The following MAGI2 variants were observed in gnomAD, a reference collection of about 807,000 sequenced individuals.
MAGI2 encodes the protein membrane associated guanylate kinase, WW and PDZ domain containing 2.
Under a neutral mutation model 133.3 loss-of-function variants are expected in MAGI2, and 35 were observed. The ratio of observed to expected loss-of-function variants is 0.26; its 90% CI spans 0.20 to 0.35. MAGI2 has a LOEUF of 0.35. Among genes scored for constraint, MAGI2 ranks in the 10% least tolerant of loss-of-function variants. The probability of loss-of-function intolerance (pLI) is 1.00; values close to 1 mark genes in which losing one functional copy is unlikely to be tolerated. For synonymous variants in MAGI2, 729 were observed against 710.6 expected (o/e 1.03, Z -0.41); for missense variants, 1,636 against 1,863.4 (o/e 0.88, Z 2.25).
At chr7:78,246,507 C>A (rs1055221485) in intron 10 of MAGI2, among the ~76,000 whole-genome samples, 4 of 152,088 alleles carry the variant, frequency 2.6e-5, no homozygotes, top group African/African-American at 4.8e-5. Context: ...CAACTAGTAC[C>A]CTCCTTCCCT....
Position 79,314,086 on chromosome 7 carries a change from G to GAA in MAGI2, c.301+138933_301+138934insTT, listed in dbSNP as rs1173248534. On this transcript the variant is annotated intron_variant, in intron 1 of 21. Coordinates refer to ENST00000354212, the MANE Select transcript of MAGI2 (RefSeq NM_012301.4). The stretch of plus-strand genomic sequence containing the variant: ...CCTCCTAGGTTCAAGTGATTCTCCT[G>GAA]CCTCAGCCTCCAGAGTAGTTGGGAT... 1.9e-4 allele frequency among the ~76,000 whole-genome samples: 29 copies of GAA among 152,272 alleles called. No homozygotes were observed. In the East Asian group the frequency reaches 5.0e-3, roughly 26 times the overall value.
At chr7:79,419,445 A>C (rs10224707) in intron 1 of MAGI2, among the ~76,000 whole-genome samples, 37,317 of 151,884 alleles carry the variant, frequency 0.25, 6,628 homozygotes, top group African/African-American at 0.5. Flanking sequence ...GGGAATGGAG[A>C]GAGGACATAT....
At chr7:79,140,824 T>C (rs1238730108) in intron 1 of MAGI2, among the ~76,000 whole-genome samples, 1 of 152,266 alleles carries the variant, frequency 6.6e-6, no homozygotes. Flanking sequence ...GTAATCACAA[T>C]GTAAAAAATT....
chr7:78,471,987 C>T (rs1163795606), intron 6 of MAGI2, among the ~76,000 whole-genome samples: 2 of 151,864 alleles, frequency 1.3e-5, no homozygotes, highest in Non-Finnish European at 2.9e-5. Context: ...GGCAAGTTCA[C>T]ACAGCCAGTA....
chr7:78,645,640 G>GGTGTGTGTGTGTGT (rs59287974), intron 2 of MAGI2, among the ~76,000 whole-genome samples: 1 of 147,348 alleles, frequency 6.8e-6, no homozygotes, highest in African/African-American at 2.5e-5. Flanking sequence ...ATATAAGTGT[G>GGTGTGTGTGTGTGT]GTGTGTGTGT....
At chr7:78,535,921 CA>C (rs1797857818) in intron 3 of MAGI2, among the ~76,000 whole-genome samples, 1 of 148,526 alleles carries the variant, frequency 6.7e-6, no homozygotes, top group East Asian at 2.0e-4. Flanking sequence ...TGACTCAGCA[CA>C]AGAGGACAGC....
At chr7:78,999,270 A>T (rs1216078025) in intron 2 of MAGI2, among the ~76,000 whole-genome samples, 1 of 152,142 alleles carries the variant, frequency 6.6e-6, no homozygotes, top group Non-Finnish European at 1.5e-5. Flanking sequence ...GGTTGCGAAG[A>T]TCAGTAAGAT....
In MAGI2 at chr7:78,887,269, C is replaced by G. The variant is rs965406914; in HGVS notation, c.418+119821G>C. Among the ~76,000 whole-genome samples the G allele has an allele frequency of 5.9e-5, 9 of 152,204 alleles. No homozygotes were observed. The East Asian group carries it at 1.5e-3, about 26-fold the overall frequency. On this transcript the variant is annotated intron_variant, in intron 2 of 21. Coordinates refer to ENST00000354212, the MANE Select transcript of MAGI2 (RefSeq NM_012301.4). ...CTCTGCTTAGCAAAGTAAATGCCAG[C>G]TAGTCATTATCATTAACATTCTTTA...
chr7:79,254,696 C>A (rs886329766), intron 1 of MAGI2, among the ~76,000 whole-genome samples: 1 of 152,160 alleles, frequency 6.6e-6, no homozygotes, highest in African/African-American at 2.4e-5. Flanking sequence ...TTCCATGAAT[C>A]TTCTACTTTT....
rs1047169817 is a variant in MAGI2 at position 78,697,416 on chromosome 7, G to A, written c.419-70177C>T. 5.3e-5 allele frequency among the ~76,000 whole-genome samples: 8 copies of A among 152,192 alleles called. No homozygotes were observed. In the East Asian group the frequency reaches 5.8e-4, roughly 11 times the overall value. The stretch of plus-strand genomic sequence containing the variant: ...TTTAAACTTTTGAGACTGAGTGCAC[G>A]GACTTAAATTCTAGCTATGCCACTT... On this transcript the variant is annotated intron_variant, in intron 2 of 21. Coordinates refer to ENST00000354212, the MANE Select transcript of MAGI2 (RefSeq NM_012301.4).
intron 2 of MAGI2, among the ~76,000 whole-genome samples, chr7:78,664,096 T>C (rs1813275815): frequency 6.6e-6 from 1 of 152,164 alleles, no homozygotes; most frequent in Non-Finnish European, 1.5e-5. Flanking sequence ...TACCAGAGAG[T>C]GTCTATTTAG....
chr7:79,229,885 G>C (rs11980034), intron 1 of MAGI2, among the ~76,000 whole-genome samples: 88,807 of 147,576 alleles, frequency 0.6, 28,137 homozygotes, highest in Non-Finnish European at 0.69. Flanking sequence ...TGCTGGTGCA[G>C]TGCACCCACT....
At chr7:79,424,762 A>T (rs956669478) in intron 1 of MAGI2, among the ~76,000 whole-genome samples, 3 of 152,216 alleles carry the variant, frequency 2.0e-5, no homozygotes, top group Non-Finnish European at 4.4e-5. Flanking sequence ...TTCACTCAGA[A>T]GGGAATTTTA....
chr7:78,474,193 C>T (rs370111216), intron 6 of MAGI2, among the ~76,000 whole-genome samples: 6 of 151,848 alleles, frequency 4.0e-5, no homozygotes, highest in South Asian at 2.1e-4. Context: ...AAAATTATCA[C>T]GTATATCTCT....
At chr7:79,112,537 C>T (rs955156553) in intron 1 of MAGI2, among the ~76,000 whole-genome samples, 4 of 152,178 alleles carry the variant, frequency 2.6e-5, no homozygotes, top group Non-Finnish European at 2.9e-5. Context: ...CTAGGATAGT[C>T]TGCTAAGTGC....
chr7:79,136,024 A>AGAAAGAAAGAAAGAAAGAAG (rs1554375928), intron 1 of MAGI2, among the ~76,000 whole-genome samples: 9 of 126,916 alleles, frequency 7.1e-5, no homozygotes, highest in African/African-American at 2.6e-4. Flanking sequence ...AAAGAAAGAA[A>AGAAAGAAAGAAAGAAAGAAG]GAAGGAAAGA....
chr7:78,571,219 A>G (rs1213083844), intron 3 of MAGI2, among the ~76,000 whole-genome samples: 1 of 152,208 alleles, frequency 6.6e-6, no homozygotes, highest in Non-Finnish European at 1.5e-5. Flanking sequence ...ATAGCATTAC[A>G]TTTGAGAAAG....
intron 2 of MAGI2, among the ~76,000 whole-genome samples, chr7:78,802,276 A>T (rs1410184171): frequency 2.6e-5 from 4 of 151,970 alleles, no homozygotes; most frequent in Non-Finnish European, 5.9e-5. Flanking sequence ...ATAACTGTAC[A>T]TTCATGAGTG....
At chr7:78,615,697 C>G (rs2150924180) in intron 3 of MAGI2, 2 of 152,326 alleles carry the variant, frequency 1.3e-5, no homozygotes, top group Middle Eastern at 3.4e-3. Context: ...AAAATTTTAA[C>G]TCAAATATGT....
Sources: allele counts gnomAD v4.1 joint callset (sites outside exome capture counted in the v4.1 genomes callset), GRCh38; gene constraint gnomAD v4.1.1; transcripts MANE v1.5; gene names NCBI Gene and HGNC (gene_info 2026-07-23, HGNC 2026-07-21).